The following FGF14 variants were observed in gnomAD, a reference collection of about 807,000 sequenced individuals.
FGF14 encodes fibroblast growth factor 14.
In FGF14, 5 loss-of-function variants were observed where a neutral mutation model predicts 25.5. The ratio of observed to expected loss-of-function variants is 0.20; its 90% CI spans 0.10 to 0.41. FGF14 has a LOEUF of 0.41. Ranked by LOEUF, FGF14 falls within the 10% of genes least tolerant of loss-of-function variation. The pLI is 1.00. For synonymous variants in FGF14, 138 were observed against 118.3 expected (o/e 1.17, Z -1.08); for missense variants, 222 against 320.1 (o/e 0.69, Z 2.34).
chr13:101,953,471 C>A (rs1373646557), intron 1 of FGF14, among the ~76,000 whole-genome samples: 1 of 151,822 alleles, frequency 6.6e-6, no homozygotes, highest in East Asian at 1.9e-4. Context: ...GTCATATTCA[C>A]TCCTGGACCA....
At chr13:102,063,235 C>A (rs988672445) in intron 1 of FGF14, among the ~76,000 whole-genome samples, 33 of 152,096 alleles carry the variant, frequency 2.2e-4, no homozygotes, top group African/African-American at 8.0e-4. Flanking sequence ...GACATAGATA[C>A]AAAATATGTC....
intron 1 of FGF14, among the ~76,000 whole-genome samples, chr13:102,203,981 A>G: frequency 6.6e-6 from 1 of 152,206 alleles, no homozygotes; most frequent in East Asian, 1.9e-4. Context: ...GAAAGACTAC[A>G]TGACCAGGTA....
At chr13:102,283,029 C>T (rs1025637384) in intron 1 of FGF14, among the ~76,000 whole-genome samples, 4 of 152,048 alleles carry the variant, frequency 2.6e-5, no homozygotes, top group Non-Finnish European at 5.9e-5. Flanking sequence ...CACAATCAGC[C>T]CAAAGCTTGT....
intron 1 of FGF14, among the ~76,000 whole-genome samples, chr13:101,989,020 C>T (rs1259326032): frequency 6.6e-6 from 1 of 151,942 alleles, no homozygotes; most frequent in East Asian, 1.9e-4. Context: ...TTTCAGGTTG[C>T]TTGAGAAATA....
Position 102,237,494 on chromosome 13 carries a change from T to C in FGF14, c.208+163977A>G, listed in dbSNP as rs900506774. 1.6e-4 allele frequency among the ~76,000 whole-genome samples: 25 copies of C among 151,848 alleles called. 1 individual carries two copies. The highest frequency in any genetic ancestry group is 1.3e-4 in the Admixed American group (2 of 15,248). ...GAGTGGTGAATGTCACAGCTCACAA[T>C]TGAACATCTGTTACTTTGGTGCAAA... On this transcript the variant is annotated intron_variant, in intron 1 of 4. Transcript: ENST00000376131.
chr13:102,376,436 C>A (rs1357580538), intron 1 of FGF14, among the ~76,000 whole-genome samples: 1 of 152,116 alleles, frequency 6.6e-6, no homozygotes, highest in African/African-American at 2.4e-5. Context: ...CTAATACAAC[C>A]CTGTTCTGTG....
At chr13:102,046,194 A>G (rs1264555835) in intron 1 of FGF14, among the ~76,000 whole-genome samples, 1 of 152,138 alleles carries the variant, frequency 6.6e-6, no homozygotes, top group Admixed American at 6.6e-5. Context: ...GTCAATTCCT[A>G]CGGGGCTGAT....
At chr13:102,112,321 C>G (rs2045270955) in intron 1 of FGF14, among the ~76,000 whole-genome samples, 1 of 152,112 alleles carries the variant, frequency 6.6e-6, no homozygotes, top group Non-Finnish European at 1.5e-5. Context: ...GCAGGTGGGG[C>G]AGGGGTGAGA....
chr13:102,149,960 G>A (rs533444), intron 1 of FGF14, among the ~76,000 whole-genome samples: 8,565 of 152,132 alleles, frequency 0.056, 820 homozygotes, highest in African/African-American at 0.2. Flanking sequence ...CAACAAATTC[G>A]AAGACAAAAA....
At chr13:102,147,538 G>A (rs2046903463) in intron 1 of FGF14, among the ~76,000 whole-genome samples, 1 of 152,182 alleles carries the variant, frequency 6.6e-6, no homozygotes, top group Admixed American at 6.5e-5. Flanking sequence ...TAAATATTGT[G>A]ACAGTGCAGA....
intron 1 of FGF14, among the ~76,000 whole-genome samples, chr13:102,259,877 C>A (rs1280285127): frequency 1.3e-5 from 2 of 152,092 alleles, no homozygotes; most frequent in African/African-American, 4.8e-5. Flanking sequence ...TGTCTTTGCT[C>A]TGGAAAAAAG....
At chr13:102,198,347 C>A (rs141353657) in intron 1 of FGF14, among the ~76,000 whole-genome samples, 1 of 152,224 alleles carries the variant, frequency 6.6e-6, no homozygotes, top group African/African-American at 2.4e-5. Flanking sequence ...AATTCTCAGA[C>A]AAATGAATGC....
At chr13:102,106,906 T>C (rs1211415739) in intron 1 of FGF14, among the ~76,000 whole-genome samples, 2 of 152,122 alleles carry the variant, frequency 1.3e-5, no homozygotes, top group East Asian at 3.9e-4. Flanking sequence ...AGAGTAAATG[T>C]GGTTTGTGAG....
chr13:102,098,883 A>C (rs1221371864), intron 1 of FGF14, among the ~76,000 whole-genome samples: 3 of 152,186 alleles, frequency 2.0e-5, no homozygotes, highest in African/African-American at 7.2e-5. Flanking sequence ...AAATGTAAAC[A>C]CCCCAAGAAG....
intron 1 of FGF14, among the ~76,000 whole-genome samples, chr13:102,083,345 T>C (rs1050277568): frequency 6.6e-6 from 1 of 152,240 alleles, no homozygotes; most frequent in Admixed American, 6.5e-5. Context: ...GACCGTTTTT[T>C]TTCTTCTTGC....
At chr13:102,087,731 T>C (rs2043990734) in intron 1 of FGF14, among the ~76,000 whole-genome samples, 1 of 152,012 alleles carries the variant, frequency 6.6e-6, no homozygotes, top group South Asian at 2.1e-4. Flanking sequence ...GCCCAGACTG[T>C]AATTCTTAAC....
chr13:102,183,443 C>G (rs554393), intron 1 of FGF14, among the ~76,000 whole-genome samples: 1 of 152,022 alleles, frequency 6.6e-6, no homozygotes, highest in Non-Finnish European at 1.5e-5. Flanking sequence ...ACTGCCAGAT[C>G]GTCCCTGCCA....
At chr13:102,327,165 T>C (rs186748707) in intron 1 of FGF14, among the ~76,000 whole-genome samples, 14 of 150,258 alleles carry the variant, frequency 9.3e-5, no homozygotes, top group African/African-American at 2.7e-4. Context: ...TTTCTGGTCC[T>C]CCAAATTGCA....
At chr13:101,951,170 T>G (rs1277941808) in intron 1 of FGF14, among the ~76,000 whole-genome samples, 1 of 152,206 alleles carries the variant, frequency 6.6e-6, no homozygotes, top group Non-Finnish European at 1.5e-5. Flanking sequence ...TAAATCAGGC[T>G]AAGAACGTTG....
Sources: gnomAD v4.1 joint callset for allele counts (sites outside exome capture counted in the v4.1 genomes callset) on GRCh38, gnomAD v4.1.1 for gene constraint, MANE v1.5 for transcripts, NCBI Gene and HGNC (gene_info 2026-07-23, HGNC 2026-07-21) for gene names.